CDH4: variants seen among roughly 807,000 people sequenced by gnomAD.
CDH4 encodes cadherin-4.
In CDH4, 33 loss-of-function variants were observed where a neutral mutation model predicts 86.0. That is an observed-to-expected ratio of 0.38 (90% CI 0.29 to 0.51). CDH4 has a LOEUF of 0.51. Ranked by LOEUF, CDH4 falls within the 20% of genes least tolerant of loss-of-function variation. CDH4 has a pLI of 0.86. For missense variants in CDH4, 1,114 were observed against 1,307.4 expected, an observed-to-expected ratio of 0.85 and a Z score of 2.28; for synonymous variants, 555 against 549.4, an observed-to-expected ratio of 1.01 and a Z score of -0.14.
intron 2 of CDH4, among the ~76,000 whole-genome samples, chr20:61,600,928 G>A (rs1026403396): frequency 2.0e-5 from 3 of 152,162 alleles, no homozygotes; most frequent in African/African-American, 4.8e-5. Flanking sequence ...CTGTGGACTT[G>A]TTTCCAGTCC....
At chr20:61,331,560 C>A in intron 2 of CDH4, among the ~76,000 whole-genome samples, 1 of 108,066 alleles carries the variant, frequency 9.3e-6, no homozygotes, top group African/African-American at 3.5e-5. Flanking sequence ...AGCTCAAACC[C>A]CACCTCCTGC....
At chr20:61,816,023 C>G (rs945094730) in intron 4 of CDH4, among the ~76,000 whole-genome samples, 1 of 152,168 alleles carries the variant, frequency 6.6e-6, no homozygotes, top group African/African-American at 2.4e-5. Context: ...CCCAGGGAAG[C>G]TGCATTTCAG....
At position 61,680,642 on chromosome 20, in the gene CDH4, A is replaced by T. The variant is rs146076246; in HGVS notation, c.170-62921A>T. ...GGCGCCCTGGTGTCCTTTCTAAAGA[A>T]ATGGTTCCCTGTGGATTTTCAGAGC... On this transcript the variant is annotated intron_variant, in intron 2 of 15. Coordinates refer to ENST00000614565, the MANE Select transcript of CDH4 (RefSeq NM_001794.5). Among the ~76,000 whole-genome samples the T allele has an allele frequency of 2.8e-4, 42 of 152,238 alleles. 1 individual carries two copies. Among genetic ancestry groups the T allele is most frequent in the African/African-American group, 9.6e-4 (40 of 41,526 alleles).
chr20:61,617,612 T>C (rs1248364557), intron 2 of CDH4, among the ~76,000 whole-genome samples: 1 of 152,176 alleles, frequency 6.6e-6, no homozygotes, highest in Non-Finnish European at 1.5e-5. Context: ...GACAGCGTGG[T>C]CTGAGGGTGA....
In CDH4 at chr20:61,899,458, C is replaced by T. The variant is rs541965801; in HGVS notation, c.1188+4411C>T. 7.4e-4 allele frequency among the ~76,000 whole-genome samples: 112 copies of T among 152,232 alleles called. 1 individual carries two copies. Among genetic ancestry groups the T allele is most frequent in the African/African-American group, 2.5e-3 (102 of 41,546 alleles). On this transcript the variant is annotated intron_variant, in intron 8 of 15. Transcript: ENST00000614565. ...TTTTTTCTTTTTTGAGACAGAGTCT[C>T]GCTCTGTCGCCCAGGCTGGAGTGCA...
chr20:61,865,157 A>G (rs1406733686), intron 6 of CDH4, among the ~76,000 whole-genome samples: 2 of 149,844 alleles, frequency 1.3e-5, no homozygotes, highest in African/African-American at 4.9e-5. Flanking sequence ...GCCACCCTGC[A>G]TCCCTCGCTG....
intron 2 of CDH4, among the ~76,000 whole-genome samples, chr20:61,321,271 T>C (rs2084506847): frequency 6.6e-6 from 1 of 152,200 alleles, no homozygotes; most frequent in Non-Finnish European, 1.5e-5. Flanking sequence ...AGTCTTCTCA[T>C]TGATCTAGGG....
chr20:61,815,230 A>G (rs1601016397), intron 4 of CDH4, among the ~76,000 whole-genome samples: 4 of 152,336 alleles, frequency 2.6e-5, no homozygotes, highest in Admixed American at 1.3e-4. Flanking sequence ...CCCCAAGGCC[A>G]CGATCACAGG....
At chr20:61,528,850 A>ATTT (rs11476710) in intron 2 of CDH4, among the ~76,000 whole-genome samples, 1 of 142,560 alleles carries the variant, frequency 7.0e-6, no homozygotes, top group Non-Finnish European at 1.5e-5. Context: ...GATGATCTTG[A>ATTT]TTTTTTTTTT....
At position 61,773,045 on chromosome 20, in the gene CDH4, C is replaced by A. The variant is rs1227103795; in HGVS notation, c.439C>A (p.Pro147Thr). The A allele has an allele frequency of 1.2e-6, 2 of 1,613,672 alleles. No individual in the cohort carries two copies. Among genetic ancestry groups the A allele is most frequent in the African/African-American group, 2.7e-5 (2 of 74,936 alleles). Residue 147 changes from proline to threonine, a missense_variant, in exon 4 of 16, where the codon CCT (proline) becomes ACT (threonine). By Grantham distance (38) the Pro-to-Thr change is conservative. Transcript: ENST00000614565. ...GGTCGTGGCTCTGGACCCCTCTCCG[C>A]CTCCGAAGGACACCCTGCTGCCGTG... Reference protein sequence around the residue: ...KKVVALDPSPPPKDTLLPWPQ... With the variant: ...KKVVALDPSPTPKDTLLPWPQ...
At chr20:61,389,246 C>A (rs890957162) in intron 2 of CDH4, among the ~76,000 whole-genome samples, 11 of 152,194 alleles carry the variant, frequency 7.2e-5, no homozygotes, top group African/African-American at 2.7e-4. Flanking sequence ...TGCTCTTGGG[C>A]GGCTCGTTCC....
At position 61,895,051 on chromosome 20, in the gene CDH4, A is replaced by T. The variant is rs1985039930; in HGVS notation, c.1188+4A>T. The T allele has an allele frequency of 6.2e-7, 1 of 1,613,114 alleles. No individual in the cohort carries two copies. Among genetic ancestry groups the T allele is most frequent in the Non-Finnish European group, 8.5e-7 (1 of 1,179,710 alleles). On this transcript the variant is annotated splice_donor_region_variant and intron_variant, in intron 8 of 15. Transcript: ENST00000614565. Reference sequence around the variant, plus strand: ...GCCAGAATTTACCGCCAGCACGGTGAGTCCCTCGAAGCTGCCCAGTGACGC... The same window carrying T: ...GCCAGAATTTACCGCCAGCACGGTGTGTCCCTCGAAGCTGCCCAGTGACGC...
intron 2 of CDH4, among the ~76,000 whole-genome samples, chr20:61,538,437 T>G (rs2086014312): frequency 6.6e-6 from 1 of 152,054 alleles, no homozygotes; most frequent in Admixed American, 6.5e-5. Flanking sequence ...CTAATATCCA[T>G]GCCCCAACCC....
chr20:61,392,735 G>A lies in CDH4; in HGVS notation c.169+137798G>A, dbSNP rs2084993374. On this transcript the variant is annotated intron_variant, in intron 2 of 15. Transcript: ENST00000614565. The surrounding 1 kb of genome is among the most constrained non-coding windows in gnomAD (Gnocchi z 5.7). ...TGCTGTTAAATTTGAACCTTGGACT[G>A]TTTCTCACAGTATTCATCAGAAACT... 2.6e-5 allele frequency among the ~76,000 whole-genome samples: 4 copies of A among 152,142 alleles called. No individual in the cohort carries two copies. Among genetic ancestry groups the A allele is most frequent in the Admixed American group, 2.6e-4 (4 of 15,274 alleles).
At chr20:61,648,618 C>T (rs933393367) in intron 2 of CDH4, among the ~76,000 whole-genome samples, 1 of 152,176 alleles carries the variant, frequency 6.6e-6, no homozygotes, top group South Asian at 2.1e-4. Flanking sequence ...CTCATCATTC[C>T]TTTACCATCA....
intron 2 of CDH4, among the ~76,000 whole-genome samples, chr20:61,528,474 G>GGGGGTGGGGGGGGAGA (rs2085929045): frequency 1.0e-5 from 1 of 95,466 alleles, no homozygotes; most frequent in Non-Finnish European, 2.2e-5. Flanking sequence ...GGAGGGGGAG[G>GGGGGTGGGGGGGGAGA]GGGAGAAAAT....
Position 61,679,680 on chromosome 20 carries a change from G to A in CDH4, c.170-63883G>A, listed in dbSNP as rs79057434. On this transcript the variant is annotated intron_variant, in intron 2 of 15. Coordinates refer to ENST00000614565, the MANE Select transcript of CDH4 (RefSeq NM_001794.5). ...AGCAGGGGCCTCCCCATCATCTTCC[G>A]CCACTGGTGGTGCTGTGAGCACGCC... Among the ~76,000 whole-genome samples the A allele has an allele frequency of 2.0e-5, 3 of 152,094 alleles. No homozygotes were observed. In the South Asian group the frequency reaches 6.2e-4, roughly 31 times the overall value.
At chr20:61,429,543 G>GTGGA (rs1376422847) in intron 2 of CDH4, among the ~76,000 whole-genome samples, 5 of 151,894 alleles carry the variant, frequency 3.3e-5, no homozygotes, top group Non-Finnish European at 5.9e-5. Context: ...GGGTGTGTGA[G>GTGGA]TGGATGGATG....
At chr20:61,922,971 G>A (rs932442759) in intron 9 of CDH4, among the ~76,000 whole-genome samples, 7 of 152,200 alleles carry the variant, frequency 4.6e-5, no homozygotes, top group Admixed American at 2.6e-4. Context: ...GTACAAAGAC[G>A]CTATTTCCAA....
Sources: allele counts gnomAD v4.1 joint callset (sites outside exome capture counted in the v4.1 genomes callset), GRCh38; gene constraint gnomAD v4.1.1; non-coding constraint Gnocchi (gnomAD v3.1); transcripts MANE v1.5; gene names NCBI Gene and HGNC (gene_info 2026-07-23, HGNC 2026-07-21).